The following ODR4 variants were observed in gnomAD, a reference collection of about 807,000 sequenced individuals.
ODR4 encodes protein odr-4 homolog.
ODR4 carries 47 observed loss-of-function variants against 60.2 expected under a neutral mutation model. The ratio of observed to expected loss-of-function variants is 0.78; its 90% CI spans 0.62 to 1.00. The LOEUF (loss-of-function observed/expected upper bound fraction) is 1.00. Among genes scored for constraint, ODR4 ranks in the 50% least tolerant of loss-of-function variants. The pLI, the probability that ODR4 is intolerant of heterozygous loss-of-function variation, is 0.00. For missense variants in ODR4, 488 were observed against 530.8 expected, an observed-to-expected ratio of 0.92 and a Z score of 0.79; for synonymous variants, 178 against 175.5, an observed-to-expected ratio of 1.01 and a Z score of -0.11.
intron 12 of ODR4, among the ~76,000 whole-genome samples, chr1:186,410,076 C>T (rs1343466673): frequency 1.3e-5 from 2 of 152,142 alleles, no homozygotes; most frequent in Non-Finnish European, 2.9e-5. Context: ...TTTATCTGTA[C>T]CTAAAACATG....
intron 9 of ODR4, among the ~76,000 whole-genome samples, chr1:186,396,791 A>G (rs1156466443): frequency 6.6e-6 from 1 of 151,996 alleles, no homozygotes; most frequent in Non-Finnish European, 1.5e-5. Flanking sequence ...ATATATTTAC[A>G]TATACTAATA....
At chr1:186,399,994 T>C (rs1029445347) in intron 11 of ODR4, among the ~76,000 whole-genome samples, 12 of 139,058 alleles carry the variant, frequency 8.6e-5, no homozygotes, top group African/African-American at 3.2e-4. Context: ...TTTTTTCTTT[T>C]TTTTTTTTTT....
downstream of ODR4, among the ~76,000 whole-genome samples, chr1:186,421,964 T>C (rs932378782): frequency 6.6e-6 from 1 of 150,894 alleles, no homozygotes; most frequent in Non-Finnish European, 1.5e-5. Flanking sequence ...AGAAAGAAAT[T>C]ATGGAGGCGG....
intron 1 of ODR4, among the ~76,000 whole-genome samples, chr1:186,376,674 T>C (rs1659782138): frequency 6.6e-6 from 1 of 152,240 alleles, no homozygotes; most frequent in South Asian, 2.1e-4. Flanking sequence ...TTAAGGTTGA[T>C]TTTTCCCCAA....
chr1:186,402,226 C>CTTTCTTTCTTTCTTTCTTTCTT (rs1553237006), intron 11 of ODR4, among the ~76,000 whole-genome samples: 9 of 149,260 alleles, frequency 6.0e-5, no homozygotes, highest in African/African-American at 2.0e-4. Context: ...TTCTTTCTTT[C>CTTTCTTTCTTTCTTTCTTTCTT]TTTCTTTCCT....
At chr1:186,426,658 A>T in the ODR4 span, among the ~76,000 whole-genome samples, 1 of 152,208 alleles carries the variant, frequency 6.6e-6, no homozygotes, top group Non-Finnish European at 1.5e-5. Context: ...AGGAAAAAGA[A>T]GCCCATATCT....
chr1:186,405,304 C>G (rs1292165690), intron 11 of ODR4, among the ~76,000 whole-genome samples: 1 of 151,922 alleles, frequency 6.6e-6, no homozygotes, highest in Non-Finnish European at 1.5e-5. Context: ...GAGATTAATA[C>G]AAAAATGTAT....
chr1:186,396,888 A>G (rs946412482), intron 9 of ODR4, among the ~76,000 whole-genome samples: 7 of 152,160 alleles, frequency 4.6e-5, no homozygotes, highest in African/African-American at 1.2e-4. Context: ...TTTGTCTACA[A>G]TAAAAAGTTA....
chr1:186,402,975 T>C (rs1029129366), intron 11 of ODR4, among the ~76,000 whole-genome samples: 3 of 152,186 alleles, frequency 2.0e-5, no homozygotes, highest in Middle Eastern at 3.2e-3. Flanking sequence ...CTAATAAAAT[T>C]GGTGTAAGCC....
chr1:186,382,045 C>T (rs1660053546), intron 2 of ODR4, among the ~76,000 whole-genome samples: 1 of 151,962 alleles, frequency 6.6e-6, no homozygotes. Flanking sequence ...TGAAACTGAG[C>T]TATTGAATGT....
intron 11 of ODR4, among the ~76,000 whole-genome samples, chr1:186,401,874 T>C (rs1660971019): frequency 6.6e-6 from 1 of 152,112 alleles, no homozygotes; most frequent in African/African-American, 2.4e-5. Context: ...ATAGAATGAG[T>C]TAAGAGTTCT....
intron 12 of ODR4, among the ~76,000 whole-genome samples, chr1:186,417,134 T>A (rs765688649): frequency 2.6e-5 from 4 of 151,918 alleles, no homozygotes; most frequent in Non-Finnish European, 5.9e-5. Flanking sequence ...GTCTAATTTT[T>A]TGTATTTTAG....
chr1:186,399,635 A>C (rs1660844713), intron 11 of ODR4, among the ~76,000 whole-genome samples: 1 of 152,178 alleles, frequency 6.6e-6, no homozygotes. Flanking sequence ...AACTTTGTTA[A>C]CATTTTAAAG....
chr1:186,391,847 C>T, intron 8 of ODR4, 56 bp downstream of exon 8: 1 of 1,080,774 alleles, frequency 9.3e-7, no homozygotes, highest in South Asian at 1.4e-5. Flanking sequence ...AAAAATAAAA[C>T]ATGACTTATT....
intron 11 of ODR4, among the ~76,000 whole-genome samples, chr1:186,400,047 A>G (rs1446241599): frequency 7.9e-6 from 1 of 126,918 alleles, no homozygotes; most frequent in African/African-American, 3.1e-5. Flanking sequence ...GCTGGAGTGC[A>G]GTGGCGCGAT....
At chr1:186,434,770 A>C in the ODR4 span, among the ~76,000 whole-genome samples, 1 of 152,160 alleles carries the variant, frequency 6.6e-6, no homozygotes, top group African/African-American at 2.4e-5. Context: ...CTGTAATTCA[A>C]GTTACCCGGA....
intron 12 of ODR4, among the ~76,000 whole-genome samples, chr1:186,409,174 CAG>C (rs1483790741): frequency 6.8e-6 from 1 of 146,888 alleles, no homozygotes; most frequent in African/African-American, 2.5e-5. Context: ...GCCTGGGTGA[CAG>C]AGTAGGACCC....
At chr1:186,380,300 T>A (rs940089461) in intron 2 of ODR4, among the ~76,000 whole-genome samples, 5 of 152,178 alleles carry the variant, frequency 3.3e-5, no homozygotes, top group Admixed American at 2.0e-4. Flanking sequence ...TTGTCTTATA[T>A]CAGACTTATG....
At position 186,400,138 on chromosome 1, in the gene ODR4, C is replaced by T. The variant is rs1439285572; in HGVS notation, c.1000+1094C>T. On this transcript the variant is annotated intron_variant, in intron 11 of 13. Transcript: ENST00000287859. The stretch of plus-strand genomic sequence containing the variant: ...TCCTGTGTAGCTGGGACTACAGGCA[C>T]GCGCCACCATGCCCGGCTAATTTTT... 1.5e-4 allele frequency among the ~76,000 whole-genome samples: 23 copies of T among 150,742 alleles called. 2 individuals are homozygous for T. Among genetic ancestry groups the T allele is most frequent in the African/African-American group, 5.1e-4 (21 of 41,058 alleles).
Sources: gnomAD v4.1 joint callset for allele counts (sites outside exome capture counted in the v4.1 genomes callset) on GRCh38, gnomAD v4.1.1 for gene constraint, MANE v1.5 for transcripts, NCBI Gene and HGNC (gene_info 2026-07-23, HGNC 2026-07-21) for gene names.